Variants in EPHA7 observed in about 807,000 individuals in gnomAD.
The protein encoded by EPHA7 is EPH receptor A7, also known as ephrin type-A receptor 7.
A neutral mutation model predicts 112.6 loss-of-function variants in EPHA7; 25 were observed. The observed-to-expected ratio is 0.22, with a 90% CI of 0.16 to 0.31. The LOEUF is 0.31. Among genes scored for constraint, EPHA7 ranks in the 10% least tolerant of loss-of-function variants. EPHA7 has a pLI of 1.00. For missense variants in EPHA7, 962 were observed against 1,212.6 expected (o/e 0.79, Z 3.07); for synonymous variants, 437 against 406.5 (o/e 1.07, Z -0.90).
intron 3 of EPHA7, among the ~76,000 whole-genome samples, chr6:93,406,348 AC>A (rs931144711): frequency 5.3e-5 from 8 of 151,794 alleles, no homozygotes; most frequent in South Asian, 2.1e-4. Flanking sequence ...ATAAAAAAAA[AC>A]ATTTTTCAAA....
At chr6:93,256,794 A>G (rs1770459403) in intron 12 of EPHA7, among the ~76,000 whole-genome samples, 1 of 152,132 alleles carries the variant, frequency 6.6e-6, no homozygotes, top group Non-Finnish European at 1.5e-5. Flanking sequence ...TCTAAATCCT[A>G]TGACTGTTTA....
chr6:93,416,283 G>C (rs1032317876), intron 1 of EPHA7, among the ~76,000 whole-genome samples: 3 of 152,148 alleles, frequency 2.0e-5, no homozygotes, highest in South Asian at 2.1e-4. Context: ...AGGGAAACAA[G>C]GTGGGTGGTC....
At chr6:93,375,696 T>C (rs1026975858) in intron 3 of EPHA7, among the ~76,000 whole-genome samples, 6 of 151,538 alleles carry the variant, frequency 4.0e-5, no homozygotes, top group Non-Finnish European at 7.4e-5. Flanking sequence ...ATCAAAAAAG[T>C]AATGAAAAAA....
intron 5 of EPHA7, among the ~76,000 whole-genome samples, chr6:93,331,711 G>T (rs1774602099): frequency 6.6e-6 from 1 of 151,522 alleles, no homozygotes; most frequent in Admixed American, 6.6e-5. Flanking sequence ...ACTTCCCCAT[G>T]TAATTTGTAT....
At chr6:93,305,678 GACTAA>G (rs1447895906) in intron 5 of EPHA7, among the ~76,000 whole-genome samples, 2 of 151,764 alleles carry the variant, frequency 1.3e-5, no homozygotes, top group African/African-American at 4.8e-5. Flanking sequence ...AAATAATACA[GACTAA>G]ACTACCTAGT....
chr6:93,356,608 A>G (rs906646246), intron 5 of EPHA7, 109 bp downstream of exon 5: 16 of 1,024,834 alleles, frequency 1.6e-5, no homozygotes, highest in Admixed American at 1.0e-4. Context: ...ATAATCAACA[A>G]GCTGGAAGAA....
chr6:93,359,894 T>C (rs1488277538), intron 3 of EPHA7, among the ~76,000 whole-genome samples: 1 of 141,710 alleles, frequency 7.1e-6, no homozygotes, highest in African/African-American at 2.6e-5. Flanking sequence ...GATAGATAGA[T>C]AGATAGATAG....
intron 7 of EPHA7, among the ~76,000 whole-genome samples, chr6:93,268,381 A>G (rs1771050125): frequency 6.6e-6 from 1 of 151,834 alleles, no homozygotes; most frequent in Admixed American, 6.6e-5. Flanking sequence ...AAGGATATTT[A>G]TCAATTTACT....
At chr6:93,388,602 C>T (rs758126108) in intron 3 of EPHA7, among the ~76,000 whole-genome samples, 1 of 152,124 alleles carries the variant, frequency 6.6e-6, no homozygotes, top group Non-Finnish European at 1.5e-5. Flanking sequence ...AAAGTGGGTA[C>T]ATATTGAAAG....
intron 6 of EPHA7, among the ~76,000 whole-genome samples, chr6:93,270,160 G>C (rs893557381): frequency 6.6e-6 from 1 of 151,434 alleles, no homozygotes; most frequent in Non-Finnish European, 1.5e-5. Flanking sequence ...AAACAACCCT[G>C]AATTTCTCAC....
chr6:93,281,918 C>T (rs1771760984), intron 5 of EPHA7, among the ~76,000 whole-genome samples: 1 of 151,454 alleles, frequency 6.6e-6, no homozygotes, highest in Non-Finnish European at 1.5e-5. Context: ...CAGTATAATC[C>T]TTCATTTAGA....
chr6:93,349,120 T>C (rs1241698882), intron 5 of EPHA7, among the ~76,000 whole-genome samples: 1 of 151,896 alleles, frequency 6.6e-6, no homozygotes, highest in East Asian at 1.9e-4. Flanking sequence ...GTTATTAGTA[T>C]TAATGTCAAC....
intron 5 of EPHA7, among the ~76,000 whole-genome samples, chr6:93,311,700 G>A (rs1055221365): frequency 6.6e-6 from 1 of 152,038 alleles, no homozygotes; most frequent in East Asian, 1.9e-4. Context: ...AATGGCATAC[G>A]GAATGGTGAA....
At chr6:93,306,661 T>C (rs1773272923) in intron 5 of EPHA7, among the ~76,000 whole-genome samples, 1 of 152,020 alleles carries the variant, frequency 6.6e-6, no homozygotes, top group African/African-American at 2.4e-5. Context: ...CTTTTCCTGA[T>C]TTCTAAACTA....
intron 3 of EPHA7, among the ~76,000 whole-genome samples, chr6:93,390,958 G>A (rs189078665): frequency 5.9e-5 from 9 of 151,852 alleles, no homozygotes; most frequent in East Asian, 1.9e-4. Flanking sequence ...CTGAATTCTC[G>A]TTAATGCCAA....
intron 14 of EPHA7, among the ~76,000 whole-genome samples, chr6:93,249,186 C>T (rs1006283146): frequency 1.3e-5 from 2 of 152,036 alleles, no homozygotes; most frequent in Admixed American, 1.3e-4. Context: ...TGTAAACATT[C>T]CTCTAAAATA....
At chr6:93,404,170 T>A (rs1366417739) in intron 3 of EPHA7, among the ~76,000 whole-genome samples, 2 of 151,974 alleles carry the variant, frequency 1.3e-5, no homozygotes, top group South Asian at 2.1e-4. Context: ...GCTTTCTGAA[T>A]AATGATACTA....
chr6:93,376,643 A>T (rs1370192188), intron 3 of EPHA7, among the ~76,000 whole-genome samples: 1 of 152,152 alleles, frequency 6.6e-6, no homozygotes, highest in Non-Finnish European at 1.5e-5. Context: ...GTATCAATGT[A>T]TTTGAACAAA....
At chr6:93,343,767 T>C (rs552038614) in intron 5 of EPHA7, among the ~76,000 whole-genome samples, 82 of 151,746 alleles carry the variant, frequency 5.4e-4, no homozygotes, top group Non-Finnish European at 8.6e-4. Context: ...AAGAAAATAA[T>C]GAAACATCAA....
Sources: gnomAD v4.1 joint callset for allele counts (sites outside exome capture counted in the v4.1 genomes callset) on GRCh38, gnomAD v4.1.1 for gene constraint, MANE v1.5 for transcripts, NCBI Gene and HGNC (gene_info 2026-07-23, HGNC 2026-07-21) for gene names.